Variants in NEFL observed in about 807,000 individuals in gnomAD.
NEFL encodes neurofilament light polypeptide.
A neutral mutation model predicts 51.6 loss-of-function variants in NEFL; 36 were observed. The ratio of observed to expected loss-of-function variants is 0.70; its 90% CI spans 0.53 to 0.92. The LOEUF (loss-of-function observed/expected upper bound fraction) is 0.92, where lower values mean the gene tolerates loss of function less well. Among genes scored for constraint, NEFL ranks in the 40% least tolerant of loss-of-function variants. The probability of loss-of-function intolerance (pLI) is 0.00; values close to 1 mark genes in which losing one functional copy is unlikely to be tolerated. For synonymous variants in NEFL, 332 were observed against 302.5 expected, an observed-to-expected ratio of 1.10 and a Z score of -1.01; for missense variants, 671 against 722.0, an observed-to-expected ratio of 0.93 and a Z score of 0.81.
Position 24,955,853 on chromosome 8 carries a change from A to G in NEFL, c.663T>C (p.Ser221=), listed in dbSNP as rs1230601729. Residue 221 remains serine, a synonymous_variant, in exon 1 of 4, where the codon TCT becomes TCC. Coordinates refer to ENST00000610854, the MANE Select transcript of NEFL (RefSeq NM_006158.5). This position sits in a 1 kb window ranked among gnomAD's most constrained non-coding sequence, Gnocchi z 4.0. ...CCTCTTCGTGCACTTTCTTCAGAAA[A>G]GAGATTTCGTCCATCAAGCTGTCGA... ...KRIDSLMDEI[S]FLKKVHEEEI... 4 of 1,609,992 alleles carry G rather than the reference A, an allele frequency of 2.5e-6. No individual in the cohort carries two copies. In the South Asian group the frequency reaches 4.4e-5, roughly 18 times the overall value.
In NEFL at chr8:24,951,581, T is replaced by A; in HGVS notation, c.*1229A>T. The A allele has an allele frequency of 6.6e-6, 1 of 152,478 alleles. No homozygotes were observed. Among genetic ancestry groups the A allele is most frequent in the East Asian group, 1.9e-4 (1 of 5,182 alleles). 9.4% of individuals were successfully genotyped at this position (152,478 alleles called of 1,614,324 possible). A position where few individuals can be genotyped will look rare whatever the true frequency, so the allele number is the denominator to read the frequency against. Reference sequence around the variant, plus strand: ...CCCAGTAGAGACATGCAGAGCAATGTCAATGTAACATACAAGCATATTACC... The same window carrying A: ...CCCAGTAGAGACATGCAGAGCAATGACAATGTAACATACAAGCATATTACC... On this transcript the variant is annotated 3_prime_UTR_variant, in exon 4 of 4. Coordinates refer to ENST00000610854, the MANE Select transcript of NEFL (RefSeq NM_006158.5).
chr8:24,955,436 GTCCCC>G lies in NEFL; in HGVS notation c.1044+31_1044+35del. On this transcript the variant is annotated intron_variant, in intron 1 of 3. Transcript: ENST00000610854. The surrounding 1 kb of genome is among the most constrained non-coding windows in gnomAD (Gnocchi z 4.0). ...CGCACCAACTCCCCCCCTTGCTCGAGTCCCCCGCCCCCCTGTGTTTCTGGCCGTGC... is the reference window on the plus strand; with the variant it reads ...CGCACCAACTCCCCCCCTTGCTCGAGCGCCCCCCTGTGTTTCTGGCCGTGC... 6.8e-7 allele frequency: 1 copy of G among 1,474,864 alleles called. No individual in the cohort carries two copies. The highest frequency in any genetic ancestry group is 9.0e-7 in the Non-Finnish European group (1 of 1,109,884). 91.4% of individuals were successfully genotyped at this position (1,474,864 alleles called of 1,614,324 possible).
Position 24,955,475 on chromosome 8 carries a change from C to T in NEFL, c.1041G>A (p.Met347Ile). 1 of 1,604,594 alleles carries T rather than the reference C, an allele frequency of 6.2e-7. No homozygotes were observed. The highest frequency in any genetic ancestry group is 1.1e-5 in the South Asian group (1 of 90,562). ...TGTGTTTCTGGCCGTGCCGCACCTG[C>T]ATAGCGCTGATGTCGGCGTTCTGCT... ...EDKQNADISA[M>I]QDTINKLENE... Residue 347 changes from methionine (M) to isoleucine (I), a missense_variant, in exon 1 of 4, where the codon ATG (methionine) becomes ATA (isoleucine). Physicochemically the swap from Met to Ile is conservative, Grantham distance 10. Transcript: ENST00000610854. The surrounding 1 kb of genome is among the most constrained non-coding windows in gnomAD (Gnocchi z 4.0).
In NEFL at chr8:24,953,553, G is replaced by T. The variant is rs756696405; in HGVS notation, c.1412C>A (p.Pro471His). ...CTCCTCCTCGGCTTCTCCTTCAGAG[G>T]GGGGCTCATCCTTGGCTTCCTCAGC... ...AKAEEAKDEPPSEGEAEEEEK... is the reference protein window; with the variant it reads ...AKAEEAKDEPHSEGEAEEEEK... Residue 471 changes from proline (P) to histidine (H), a missense_variant, in exon 3 of 4, where the codon CCC (proline) becomes CAC (histidine). By Grantham distance (77) the Pro-to-His change is moderately conservative (BLOSUM62 -2). Coordinates refer to ENST00000610854, the MANE Select transcript of NEFL (RefSeq NM_006158.5). 9.9e-6 allele frequency: 16 copies of T among 1,613,632 alleles called. No individual in the cohort carries two copies. The highest frequency in any genetic ancestry group is 2.2e-5 in the South Asian group (2 of 91,040).
chr8:24,953,069 C>T, intron 3 of NEFL, 117 bp from the exon 4 acceptor site: 2 of 1,210,826 alleles, frequency 1.7e-6, no homozygotes, highest in Non-Finnish European at 2.2e-6. Flanking sequence ...AACCTCCCAG[C>T]TCCACTCTCT....
rs1803002783 is a variant in NEFL, at chr8:24,953,694, T to C, written c.1271A>G (p.Tyr424Cys). The C allele has an allele frequency of 1.9e-6, 3 of 1,613,848 alleles. No homozygotes were observed. The highest frequency in any genetic ancestry group is 2.5e-6 in the Non-Finnish European group (3 of 1,179,892). Residue 424 changes from tyrosine (Y) to cysteine (C), a missense_variant, in exon 3 of 4, where the codon TAC becomes TGC. Tyr to Cys is a radical substitution (Grantham distance 194, BLOSUM62 -2). Coordinates refer to ENST00000610854, the MANE Select transcript of NEFL (RefSeq NM_006158.5). ...QSSQVFGRSA[Y>C]GGLQTSSYLM... ...ATAGGAGCTGGTCTGTAAACCGCCG[T>C]AGGCAGATCGGCCAAAGACCTGGGA... is the stretch of plus-strand genomic sequence containing the variant.
At chr8:24,953,987 A>G in intron 2 of NEFL, 192 bp from the exon 3 acceptor site, 1 of 1,178,238 alleles carries the variant, frequency 8.5e-7, no homozygotes. Flanking sequence ...ATGACAAGAT[A>G]AAAACAGGAC....
chr8:24,954,894 G>T (rs1803022215), intron 1 of NEFL, among the ~76,000 whole-genome samples: 1 of 143,180 alleles, frequency 7.0e-6, no homozygotes, highest in African/African-American at 2.5e-5. Flanking sequence ...TGTTGTAGAA[G>T]ATTTTACACA....
chr8:24,955,422 C>T lies in NEFL; in HGVS notation c.1044+50G>A, dbSNP rs755391952. The stretch of plus-strand genomic sequence containing the variant: ...CTCCACTTTCTGGGCGCACCAACTC[C>T]CCCCCTTGCTCGAGTCCCCCGCCCC... On this transcript the variant is annotated intron_variant, in intron 1 of 3. Transcript: ENST00000610854. The surrounding 1 kb of genome is among the most constrained non-coding windows in gnomAD (Gnocchi z 4.0). 16 of 670,060 alleles carry T rather than the reference C, an allele frequency of 2.4e-5. 1 individual carries two copies. Among genetic ancestry groups the T allele is most frequent in the Non-Finnish European group, 3.9e-5 (15 of 385,286 alleles). The allele number at this position is 670,060 out of a possible 1,614,324, so 41.5% of individuals were successfully genotyped here. A position where few individuals can be genotyped will look rare whatever the true frequency, so the allele number is the denominator to read the frequency against.
rs1320016071 is a variant in NEFL at position 24,956,039 on chromosome 8, C to G, written c.477G>C (p.Ala159=). The change falls in exon 1 of 4, where the codon GCG becomes GCC. Residue 159 remains alanine (A), a synonymous_variant. Transcript: ENST00000610854. The surrounding 1 kb of genome is among the most constrained non-coding windows in gnomAD (Gnocchi z 5.9). ...AAEDATNEKQ[A]LQGEREGLEE... ...CCAGCCCTTCGCGCTCGCCCTGGAGCGCCTGCTTCTCGTTGGTGGCATCTT... is the reference window on the plus strand; with the variant it reads ...CCAGCCCTTCGCGCTCGCCCTGGAGGGCCTGCTTCTCGTTGGTGGCATCTT... 1 of 1,604,034 alleles carries G rather than the reference C, an allele frequency of 6.2e-7. No homozygotes were observed. The highest frequency in any genetic ancestry group is 1.7e-5 in the Admixed American group (1 of 59,672).
chr8:24,956,327 C>G lies in NEFL; in HGVS notation c.189G>C (p.Ser63=), dbSNP rs59408749. Residue 63 remains serine, a synonymous_variant, in exon 1 of 4, where the codon TCG becomes TCC. Transcript: ENST00000610854. The surrounding 1 kb of genome is among the most constrained non-coding windows in gnomAD (Gnocchi z 5.9). Reference sequence around the variant, plus strand: ...CGAGGTTCTCCAGACTGGGCATCAACGATCCAGAGCTGGAGGAGTAGCTGC... The same window carrying G: ...CGAGGTTCTCCAGACTGGGCATCAAGGATCCAGAGCTGGAGGAGTAGCTGC... ...VRRSYSSSSG[S]LMPSLENLDL... is the part of the protein sequence containing the mutation. 3 of 1,610,178 alleles carry G rather than the reference C, an allele frequency of 1.9e-6. No individual in the cohort carries two copies. The highest frequency in any genetic ancestry group is 1.3e-5 in the African/African-American group (1 of 74,968).
At position 24,954,263 on chromosome 8, in the gene NEFL, T is replaced by C; in HGVS notation, c.1087A>G (p.Ser363Gly). The change falls in exon 2 of 4, where the codon AGT (serine) becomes GGT (glycine). Residue 363 changes from serine to glycine, a missense_variant. Transcript: ENST00000610854. ...TCTTTTAGGTATCGTGCCATTTCAC[T>C]CTTTGTGGTCCTCAATTCATTTTCT... is the stretch of plus-strand genomic sequence containing the variant. ...KLENELRTTK[S>G]EMARYLKEYQ... The C allele has an allele frequency of 6.2e-7, 1 of 1,613,938 alleles. No homozygotes were observed. The highest frequency in any genetic ancestry group is 8.5e-7 in the Non-Finnish European group (1 of 1,179,864).
In NEFL at chr8:24,955,469, C is replaced by T. The variant is rs746496908; in HGVS notation, c.1044+3G>A. On this transcript the variant is annotated splice_donor_region_variant and intron_variant, in intron 1 of 3. Transcript: ENST00000610854. The surrounding 1 kb of genome is among the most constrained non-coding windows in gnomAD (Gnocchi z 4.0). The stretch of plus-strand genomic sequence containing the variant: ...CCCCCCTGTGTTTCTGGCCGTGCCG[C>T]ACCTGCATAGCGCTGATGTCGGCGT... 1 of 1,591,580 alleles carries T rather than the reference C, an allele frequency of 6.3e-7. No homozygotes were observed. Among genetic ancestry groups the T allele is most frequent in the East Asian group, 2.3e-5 (1 of 44,426 alleles).
chr8:24,953,939 A>G, intron 2 of NEFL, 144 bp from the exon 3 acceptor site: 1 of 1,256,466 alleles, frequency 8.0e-7, no homozygotes. Context: ...GAGACCAGAA[A>G]AAATATAAAT....
rs368829273 is a variant in NEFL at position 24,956,156 on chromosome 8, G to A, written c.360C>T (p.Ala120=). The change falls in exon 1 of 4, where the codon GCC becomes GCT. Residue 120 remains alanine (A), a synonymous_variant. Coordinates refer to ENST00000610854, the MANE Select transcript of NEFL (RefSeq NM_006158.5). This position sits in a 1 kb window ranked among gnomAD's most constrained non-coding sequence, Gnocchi z 5.9. ...ELEQQNKVLE[A]ELLVLRQKHS... is the part of the protein sequence containing the mutation. ...GCTTCTGGCGCAGCACCAGCAGCTCGGCTTCCAGGACCTTGTTCTGCTGCT... is the reference window on the plus strand; with the variant it reads ...GCTTCTGGCGCAGCACCAGCAGCTCAGCTTCCAGGACCTTGTTCTGCTGCT... 33 of 1,609,732 alleles carry A rather than the reference G, an allele frequency of 2.1e-5. No individual in the cohort carries two copies. In the African/African-American group the frequency reaches 4.0e-4, roughly 20 times the overall value.
At position 24,955,229 on chromosome 8, in the gene NEFL, A is replaced by C; in HGVS notation, c.1044+243T>G. 7 of 420,018 alleles carry C rather than the reference A, an allele frequency of 1.7e-5. No homozygotes were observed. The highest frequency in any genetic ancestry group is 2.0e-5 in the African/African-American group (1 of 49,002). The allele number at this position is 420,018 out of a possible 1,614,324, so 26.0% of individuals were successfully genotyped here. On this transcript the variant is annotated intron_variant, in intron 1 of 3. Transcript: ENST00000610854. The surrounding 1 kb of genome is among the most constrained non-coding windows in gnomAD (Gnocchi z 4.0). The stretch of plus-strand genomic sequence containing the variant: ...ACGTCTTCCCCTCCCCCACCCAACA[A>C]GGGCTGGGCAGCTTTAATGCGGAAC...
Position 24,955,372 on chromosome 8 carries a change from T to A in NEFL, c.1044+100A>T. Reference sequence around the variant, plus strand: ...GGAGCCAAGCCCTATCCCTAAGAGCTGCGTGCAGCCGCACCACCCCTGGTC... The same window carrying A: ...GGAGCCAAGCCCTATCCCTAAGAGCAGCGTGCAGCCGCACCACCCCTGGTC... On this transcript the variant is annotated intron_variant, in intron 1 of 3. Transcript: ENST00000610854. The surrounding 1 kb of genome is among the most constrained non-coding windows in gnomAD (Gnocchi z 4.0). 1 of 1,225,566 alleles carries A rather than the reference T, an allele frequency of 8.2e-7. No homozygotes were observed. Among genetic ancestry groups the A allele is most frequent in the East Asian group, 2.5e-5 (1 of 39,928 alleles). 75.9% of individuals were successfully genotyped at this position (1,225,566 alleles called of 1,614,324 possible).
At position 24,954,883 on chromosome 8, in the gene NEFL, ATGT is replaced by A. The variant is rs767306481; in HGVS notation, c.1045-581_1045-579del. On this transcript the variant is annotated intron_variant, in intron 1 of 3. Coordinates refer to ENST00000610854, the MANE Select transcript of NEFL (RefSeq NM_006158.5). The stretch of plus-strand genomic sequence containing the variant: ...AGAAGATGGAGATGTTTAAACAGAA[ATGT>A]TGTAGAAGATTTTACACATAAAGAA... 5.3e-5 allele frequency among the ~76,000 whole-genome samples: 8 copies of A among 150,910 alleles called. No homozygotes were observed. The East Asian group carries it at 1.6e-3, about 30-fold the overall frequency.
At position 24,952,634 on chromosome 8, in the gene NEFL, A is replaced by T; in HGVS notation, c.*176T>A. The T allele has an allele frequency of 9.6e-7, 1 of 1,039,046 alleles. No homozygotes were observed. The highest frequency in any genetic ancestry group is 1.4e-6 in the Non-Finnish European group (1 of 732,314). The allele number at this position is 1,039,046 out of a possible 1,614,324, so 64.4% of individuals were successfully genotyped here. The stretch of plus-strand genomic sequence containing the variant: ...CTCTGCAAGCAAACAGATACTCTGC[A>T]TAAAGAGGAAATTCATAGCACAACA... On this transcript the variant is annotated 3_prime_UTR_variant, in exon 4 of 4. Transcript: ENST00000610854.
Sources: gnomAD v4.1 joint callset for allele counts (sites outside exome capture counted in the v4.1 genomes callset) on GRCh38, gnomAD v4.1.1 for gene constraint, Gnocchi (gnomAD v3.1) non-coding constraint, MANE v1.5 for transcripts, NCBI Gene and HGNC (gene_info 2026-07-23, HGNC 2026-07-21) for gene names.